RHEB: variants seen among roughly 807,000 people sequenced by gnomAD.
RHEB encodes Ras homolog, mTORC1 binding.
A neutral mutation model predicts 28.8 loss-of-function variants in RHEB; 2 were observed. That is an observed-to-expected ratio of 0.07 (90% CI 0.03 to 0.22). The LOEUF is 0.22. Among genes scored for constraint, RHEB ranks in the 10% least tolerant of loss-of-function variants. RHEB has a pLI of 1.00. For missense variants in RHEB, 76 were observed against 219.9 expected (o/e 0.35, Z 4.14); for synonymous variants, 69 against 77.3 (o/e 0.89, Z 0.56).
intron 2 of RHEB, among the ~76,000 whole-genome samples, chr7:151,485,754 T>G (rs1000136631): frequency 5.3e-5 from 8 of 152,204 alleles, no homozygotes; most frequent in African/African-American, 1.9e-4. Context: ...AGAGATCTTA[T>G]CTGAGTTATA....
intron 1 of RHEB, among the ~76,000 whole-genome samples, chr7:151,494,217 G>A (rs1033914565): frequency 1.8e-4 from 28 of 152,220 alleles, no homozygotes; most frequent in African/African-American, 5.8e-4. Flanking sequence ...TAGTGAAAGA[G>A]GGGCTAAGTA....
At chr7:151,493,964 G>A (rs1348763657) in intron 1 of RHEB, among the ~76,000 whole-genome samples, 2 of 152,058 alleles carry the variant, frequency 1.3e-5, no homozygotes, top group East Asian at 3.8e-4. Flanking sequence ...TAGAAAGAAA[G>A]AAGGGAACAA....
intron 1 of RHEB, among the ~76,000 whole-genome samples, chr7:151,498,544 T>C (rs1802714142): frequency 6.6e-6 from 1 of 152,016 alleles, no homozygotes; most frequent in African/African-American, 2.4e-5. Flanking sequence ...GGAGGACCAC[T>C]TGAGCCCGGG....
At chr7:151,471,097 TC>T (rs1357022832) in intron 6 of RHEB, among the ~76,000 whole-genome samples, 1 of 152,208 alleles carries the variant, frequency 6.6e-6, no homozygotes, top group Non-Finnish European at 1.5e-5. Context: ...CTCACTGTAA[TC>T]CCAAACCCTG....
At chr7:151,484,610 A>G (rs1317371845) in intron 3 of RHEB, 127 bp downstream of exon 3, 9 of 650,148 alleles carry the variant, frequency 1.4e-5, no homozygotes, top group African/African-American at 3.7e-5. Flanking sequence ...AACCATTGGG[A>G]GTCAGGGACT....
At chr7:151,495,543 G>C (rs551020208) in intron 1 of RHEB, among the ~76,000 whole-genome samples, 11 of 152,300 alleles carry the variant, frequency 7.2e-5, no homozygotes, top group African/African-American at 2.6e-4. Flanking sequence ...TGTACTTTCA[G>C]GGGTGTTGAC....
chr7:151,474,219 C>A (rs1056418227), intron 4 of RHEB, among the ~76,000 whole-genome samples: 1 of 151,352 alleles, frequency 6.6e-6, no homozygotes. Context: ...TGCTTTGTCG[C>A]TCAGGCTGAA....
intron 6 of RHEB, 92 bp downstream of exon 6, chr7:151,471,302 C>T: frequency 1.1e-6 from 1 of 891,136 alleles, no homozygotes; most frequent in African/African-American, 1.7e-5. Flanking sequence ...AAAAATGCTA[C>T]AGCTAAAAAT....
At chr7:151,491,791 A>C (rs570200098) in intron 1 of RHEB, among the ~76,000 whole-genome samples, 10 of 151,576 alleles carry the variant, frequency 6.6e-5, no homozygotes, top group Non-Finnish European at 1.3e-4. Flanking sequence ...TATCTTAAAA[A>C]CTCCTTTGAA....
In RHEB at chr7:151,487,888, A is replaced by T. The variant is rs184991299; in HGVS notation, c.124+3055T>A. ...CTAGTAAATGCTACTAACCACGGTC[A>T]TAGAGGTTTCCAAAATTTGGTGTTC... is the stretch of plus-strand genomic sequence containing the variant. On this transcript the variant is annotated intron_variant, in intron 2 of 7. Transcript: ENST00000262187. 5.4e-3 allele frequency among the ~76,000 whole-genome samples: 826 copies of T among 152,346 alleles called. 11 individuals are homozygous for T. The highest frequency in any genetic ancestry group is 0.019 in the African/African-American group (792 of 41,578).
At chr7:151,489,370 T>A (rs1802539102) in intron 2 of RHEB, among the ~76,000 whole-genome samples, 1 of 152,164 alleles carries the variant, frequency 6.6e-6, no homozygotes, top group Non-Finnish European at 1.5e-5. Context: ...TACTATTATA[T>A]AATGACCAGC....
Position 151,472,754 on chromosome 7 carries a change from C to T in RHEB, c.276-1149G>A, listed in dbSNP as rs1802186467. Among the ~76,000 whole-genome samples the T allele has an allele frequency of 6.6e-6, 1 of 152,164 alleles. No individual in the cohort carries two copies. The highest frequency in any genetic ancestry group is 1.5e-5 in the Non-Finnish European group (1 of 68,040). On this transcript the variant is annotated intron_variant, in intron 4 of 7. Coordinates refer to ENST00000262187, the MANE Select transcript of RHEB (RefSeq NM_005614.4). This position sits in a 1 kb window ranked among gnomAD's most constrained non-coding sequence, Gnocchi z 5.2. Reference sequence around the variant, plus strand: ...GCTTTGTTCATGATTGCATCACAAGCTTCAGAATAAGTTAGCTTGTTGAAT... The same window carrying T: ...GCTTTGTTCATGATTGCATCACAAGTTTCAGAATAAGTTAGCTTGTTGAAT...
rs1303457479 is a variant in RHEB, at chr7:151,468,553, C to T, written c.463-1342G>A. Reference sequence around the variant, plus strand: ...TCTGGGCACTCCCCAGAGAAAGCATCCACGCCTTGTCCCTTCTCCTCAAAT... The same window carrying T: ...TCTGGGCACTCCCCAGAGAAAGCATTCACGCCTTGTCCCTTCTCCTCAAAT... On this transcript the variant is annotated intron_variant, in intron 7 of 7. Transcript: ENST00000262187. The surrounding 1 kb of genome is among the most constrained non-coding windows in gnomAD (Gnocchi z 4.3). Among the ~76,000 whole-genome samples, 1 of 152,270 alleles carries T rather than the reference C, an allele frequency of 6.6e-6. No individual in the cohort carries two copies. Among genetic ancestry groups the T allele is most frequent in the Non-Finnish European group, 1.5e-5 (1 of 68,044 alleles).
At chr7:151,499,857 G>T (rs1802741672) in intron 1 of RHEB, among the ~76,000 whole-genome samples, 1 of 152,212 alleles carries the variant, frequency 6.6e-6, no homozygotes, top group East Asian at 1.9e-4. Flanking sequence ...TGCCCAGGCT[G>T]GAGTGCAGTA....
At chr7:151,477,893 G>A (rs568796928) in intron 3 of RHEB, among the ~76,000 whole-genome samples, 4 of 152,084 alleles carry the variant, frequency 2.6e-5, no homozygotes, top group African/African-American at 9.7e-5. Context: ...TGCTAGAGGG[G>A]TGCCATCAGC....
intron 3 of RHEB, among the ~76,000 whole-genome samples, chr7:151,477,728 G>A (rs1350565895): frequency 6.6e-6 from 1 of 152,182 alleles, no homozygotes; most frequent in Non-Finnish European, 1.5e-5. Context: ...AACAAGGGAT[G>A]AGCATCACTA....
chr7:151,492,116 CAT>C (rs770403913), intron 1 of RHEB, among the ~76,000 whole-genome samples: 2 of 152,196 alleles, frequency 1.3e-5, no homozygotes, highest in Non-Finnish European at 2.9e-5. Context: ...TTATTACACA[CAT>C]GCTGTATATG....
At chr7:151,475,747 G>A (rs1436319234) in intron 4 of RHEB, among the ~76,000 whole-genome samples, 1 of 152,114 alleles carries the variant, frequency 6.6e-6, no homozygotes, top group African/African-American at 2.4e-5. Context: ...CAGGAAGAGA[G>A]ATATCCATCT....
intron 1 of RHEB, among the ~76,000 whole-genome samples, chr7:151,495,859 A>G (rs1300171070): frequency 6.6e-6 from 1 of 152,242 alleles, no homozygotes; most frequent in Admixed American, 6.5e-5. Flanking sequence ...AAGCTGATGT[A>G]GGAGGATCGC....
Sources: gnomAD v4.1 joint callset for allele counts (sites outside exome capture counted in the v4.1 genomes callset) on GRCh38, gnomAD v4.1.1 for gene constraint, Gnocchi (gnomAD v3.1) non-coding constraint, MANE v1.5 for transcripts, NCBI Gene and HGNC (gene_info 2026-07-23, HGNC 2026-07-21) for gene names.